The following SIPA1L3 variants were observed in gnomAD, a reference collection of about 807,000 sequenced individuals.
The protein encoded by SIPA1L3 is signal induced proliferation associated 1 like 3, also known as signal-induced proliferation-associated 1-like protein 3.
SIPA1L3 carries 59 observed loss-of-function variants against 150.1 expected under a neutral mutation model. The ratio of observed to expected loss-of-function variants is 0.39; its 90% CI spans 0.32 to 0.49. SIPA1L3 has a LOEUF of 0.49. Among genes scored for constraint, SIPA1L3 ranks in the 20% least tolerant of loss-of-function variants. The pLI is 0.86. For missense variants in SIPA1L3, 2,211 were observed against 2,489.5 expected, an observed-to-expected ratio of 0.89 and a Z score of 2.38; for synonymous variants, 1,070 against 1,077.6, an observed-to-expected ratio of 0.99 and a Z score of 0.14.
intron 10 of SIPA1L3, chr19:38,130,977 T>C (rs1418793082): frequency 1.7e-6 from 1 of 589,842 alleles, no homozygotes; most frequent in South Asian, 2.2e-5. Context: ...TAGCCCTTCA[T>C]ACGTGCATGA....
intron 2 of SIPA1L3, among the ~76,000 whole-genome samples, chr19:38,049,039 G>A (rs1466607933): frequency 2.0e-5 from 3 of 149,848 alleles, no homozygotes; most frequent in South Asian, 2.2e-4. Flanking sequence ...CTGAGATTGC[G>A]CCACTGCACT....
chr19:38,063,697 G>A (rs1012062372), intron 2 of SIPA1L3, among the ~76,000 whole-genome samples: 2 of 152,176 alleles, frequency 1.3e-5, no homozygotes, highest in African/African-American at 2.4e-5. Context: ...AGTCTAGCCC[G>A]GGCAGTGGCC....
chr19:38,155,981 T>C (rs1052961812), intron 13 of SIPA1L3, among the ~76,000 whole-genome samples: 1 of 152,108 alleles, frequency 6.6e-6, no homozygotes, highest in South Asian at 2.1e-4. Flanking sequence ...CTCAGGAGGC[T>C]GAGGCAGGAG....
At chr19:38,012,261 T>C (rs1007348917) in intron 1 of SIPA1L3, among the ~76,000 whole-genome samples, 3 of 151,908 alleles carry the variant, frequency 2.0e-5, no homozygotes, top group African/African-American at 4.8e-5. Flanking sequence ...GATATTTTTT[T>C]TTTGGTAGAG....
At chr19:37,923,480 A>G (rs1164731261) in intron 1 of SIPA1L3, among the ~76,000 whole-genome samples, 1 of 152,208 alleles carries the variant, frequency 6.6e-6, no homozygotes, top group African/African-American at 2.4e-5. Context: ...TACAGTAAAA[A>G]TATGATATAA....
intron 1 of SIPA1L3, among the ~76,000 whole-genome samples, chr19:37,942,579 T>G (rs1599821754): frequency 1.0e-4 from 15 of 147,174 alleles, no homozygotes; most frequent in South Asian, 4.4e-4. Context: ...CTGGTGAGGG[T>G]GTGGGTTTGA....
At chr19:37,938,343 T>C (rs2046620353) in intron 1 of SIPA1L3, among the ~76,000 whole-genome samples, 1 of 152,206 alleles carries the variant, frequency 6.6e-6, no homozygotes, top group Non-Finnish European at 1.5e-5. Context: ...GGACATGAGA[T>C]TTCTGGATTG....
intron 20 of SIPA1L3, among the ~76,000 whole-genome samples, chr19:38,202,534 G>A (rs1053460237): frequency 5.3e-5 from 8 of 152,102 alleles, no homozygotes; most frequent in African/African-American, 1.9e-4. Flanking sequence ...CTTGCAGTGA[G>A]CCAAGATCGA....
At chr19:37,984,230 ACAGT>A (rs1285314922) in intron 1 of SIPA1L3, among the ~76,000 whole-genome samples, 1 of 152,204 alleles carries the variant, frequency 6.6e-6, no homozygotes, top group African/African-American at 2.4e-5. Context: ...AACACCAAGC[ACAGT>A]CAAAGAGAAA....
intron 1 of SIPA1L3, among the ~76,000 whole-genome samples, chr19:38,000,486 A>C: frequency 6.6e-6 from 1 of 150,592 alleles, no homozygotes. Flanking sequence ...CAAAAAAAAA[A>C]AAAAAAAAAA....
chr19:38,161,453 G>A (rs994144795), intron 13 of SIPA1L3, among the ~76,000 whole-genome samples: 33 of 151,632 alleles, frequency 2.2e-4, no homozygotes, highest in Non-Finnish European at 8.8e-5. Context: ...GGCCGGGTGC[G>A]GTAGCTCACA....
At chr19:37,983,905 CAAAAAAAAAAAAAAA>C (rs397859822) in intron 1 of SIPA1L3, among the ~76,000 whole-genome samples, 1 of 75,858 alleles carries the variant, frequency 1.3e-5, no homozygotes, top group Admixed American at 1.5e-4. Context: ...GACCCCATCT[CAAAAAAAAAAAAAAA>C]AAAAAAGATT....
intron 4 of SIPA1L3, among the ~76,000 whole-genome samples, chr19:38,093,523 A>G (rs1464379697): frequency 6.6e-6 from 1 of 152,134 alleles, no homozygotes; most frequent in Non-Finnish European, 1.5e-5. Context: ...AGTGATTATG[A>G]TCGGCACCAC....
chr19:38,003,157 TA>T (rs1232745911), intron 1 of SIPA1L3, among the ~76,000 whole-genome samples: 7 of 151,734 alleles, frequency 4.6e-5, no homozygotes, highest in Non-Finnish European at 1.0e-4. Context: ...AAAATAAAAA[TA>T]AGACTGAAAA....
At chr19:38,113,708 C>G (rs1970820311) in intron 8 of SIPA1L3, among the ~76,000 whole-genome samples, 2 of 152,172 alleles carry the variant, frequency 1.3e-5, no homozygotes, top group South Asian at 4.1e-4. Context: ...TCTGTCACAG[C>G]ACAGAGCTTG....
intron 1 of SIPA1L3, among the ~76,000 whole-genome samples, chr19:38,011,845 A>G (rs1245621562): frequency 6.6e-6 from 1 of 152,010 alleles, no homozygotes; most frequent in Non-Finnish European, 1.5e-5. Context: ...TGAAGTTGTT[A>G]GGATGAAAGA....
intron 1 of SIPA1L3, among the ~76,000 whole-genome samples, chr19:37,987,433 C>G (rs1967384060): frequency 6.6e-6 from 1 of 152,158 alleles, no homozygotes; most frequent in Non-Finnish European, 1.5e-5. Context: ...GGTTTGTGAA[C>G]CCTGACGCTG....
chr19:37,984,583 C>T (rs775987585), intron 1 of SIPA1L3, among the ~76,000 whole-genome samples: 5 of 152,132 alleles, frequency 3.3e-5, no homozygotes, highest in Admixed American at 6.5e-5. Context: ...CTCTAAGCCT[C>T]GGTATTCATT....
intron 8 of SIPA1L3, among the ~76,000 whole-genome samples, chr19:38,114,484 A>G (rs1454608533): frequency 6.6e-6 from 1 of 152,058 alleles, no homozygotes; most frequent in Non-Finnish European, 1.5e-5. Flanking sequence ...CAATCTGACA[A>G]TCTGACTGCC....
Sources: allele counts gnomAD v4.1 joint callset (sites outside exome capture counted in the v4.1 genomes callset), GRCh38; gene constraint gnomAD v4.1.1; transcripts MANE v1.5; gene names NCBI Gene and HGNC (gene_info 2026-07-23, HGNC 2026-07-21).